LYPD6: variants seen among roughly 807,000 people sequenced by gnomAD.
LYPD6 encodes the protein ly6/PLAUR domain-containing protein 6.
In LYPD6, 15 loss-of-function variants were observed where a neutral mutation model predicts 22.7. That is an observed-to-expected ratio of 0.66 (90% CI 0.44 to 1.02). The LOEUF is 1.02. Among genes scored for constraint, LYPD6 ranks in the 50% least tolerant of loss-of-function variants. LYPD6 has a pLI of 0.00. For synonymous variants in LYPD6, 72 were observed against 77.5 expected (o/e 0.93, Z 0.37); for missense variants, 189 against 208.4 (o/e 0.91, Z 0.57).
chr2:149,456,549 T>G (rs564067974), intron 3 of LYPD6, among the ~76,000 whole-genome samples: 3 of 152,258 alleles, frequency 2.0e-5, no homozygotes, highest in East Asian at 1.9e-4. Context: ...TTGGAAATAG[T>G]TTTTAGAGAG....
intron 1 of LYPD6, among the ~76,000 whole-genome samples, chr2:149,410,638 C>T (rs1169835109): frequency 6.6e-6 from 1 of 152,100 alleles, no homozygotes; most frequent in African/African-American, 2.4e-5. Context: ...TGCAGATTGT[C>T]TAAAGTCGTT....
the LYPD6 span, among the ~76,000 whole-genome samples, chr2:149,486,116 C>T: frequency 1.3e-5 from 2 of 152,180 alleles, no homozygotes; most frequent in African/African-American, 4.8e-5. Flanking sequence ...GTCTCTATTC[C>T]ATTCTGTTCC....
intron 1 of LYPD6, among the ~76,000 whole-genome samples, chr2:149,383,612 C>T (rs1682116982): frequency 1.3e-5 from 2 of 152,252 alleles, no homozygotes; most frequent in Non-Finnish European, 1.5e-5. Flanking sequence ...CTTACTGAGT[C>T]ATTATGGGTC....
chr2:149,363,573 G>T (rs899513031), intron 1 of LYPD6, among the ~76,000 whole-genome samples: 1 of 152,184 alleles, frequency 6.6e-6, no homozygotes, highest in Admixed American at 6.5e-5. Flanking sequence ...GGAAGAGCTA[G>T]ATTTGAATAT....
chr2:149,452,674 C>T (rs1287160575), intron 3 of LYPD6, among the ~76,000 whole-genome samples: 1 of 152,222 alleles, frequency 6.6e-6, no homozygotes. Context: ...AATAAGTGCA[C>T]ACCCCAAATT....
intron 3 of LYPD6, 137 bp downstream of exon 3, chr2:149,449,284 T>A: frequency 1.7e-6 from 1 of 573,528 alleles, no homozygotes; most frequent in Non-Finnish European, 3.1e-6. Context: ...AGATCTTTTG[T>A]ACCACACCAA....
intron 1 of LYPD6, among the ~76,000 whole-genome samples, chr2:149,343,637 G>T (rs1315350670): frequency 1.3e-5 from 2 of 152,198 alleles, no homozygotes; most frequent in African/African-American, 2.4e-5. Flanking sequence ...ACTGAGATGG[G>T]GAAATAGAGG....
intron 1 of LYPD6, among the ~76,000 whole-genome samples, chr2:149,350,637 C>T (rs887760075): frequency 6.6e-6 from 1 of 152,174 alleles, no homozygotes; most frequent in Non-Finnish European, 1.5e-5. Context: ...CTTTCCAATA[C>T]GTGGGTAGAT....
intron 1 of LYPD6, among the ~76,000 whole-genome samples, chr2:149,339,525 G>C (rs907496841): frequency 6.6e-6 from 1 of 152,184 alleles, no homozygotes; most frequent in Non-Finnish European, 1.5e-5. Context: ...GCTGTAACTT[G>C]TTACTATGAC....
intron 3 of LYPD6, among the ~76,000 whole-genome samples, chr2:149,457,221 G>A (rs1432114374): frequency 1.3e-5 from 2 of 152,156 alleles, no homozygotes; most frequent in African/African-American, 4.8e-5. Flanking sequence ...TAGAAGTGTA[G>A]TATTATTTCT....
intron 3 of LYPD6, among the ~76,000 whole-genome samples, chr2:149,458,182 T>G (rs1681008444): frequency 6.6e-6 from 1 of 152,130 alleles, no homozygotes; most frequent in African/African-American, 2.4e-5. Context: ...CTTGGGATTG[T>G]GTCAGAGAAG....
chr2:149,332,889 A>G (rs888873358), intron 1 of LYPD6, among the ~76,000 whole-genome samples: 2 of 152,212 alleles, frequency 1.3e-5, no homozygotes, highest in Admixed American at 6.5e-5. Flanking sequence ...GAGATACGTT[A>G]TTTTTGCTAA....
intron 3 of LYPD6, among the ~76,000 whole-genome samples, chr2:149,468,132 A>ACACACACACACAC (rs1681243964): frequency 2.6e-5 from 3 of 114,664 alleles, no homozygotes; most frequent in Admixed American, 8.5e-5. Context: ...GCTTCCCCCC[A>ACACACACACACAC]ACACACACAC....
At position 149,474,013 on chromosome 2, in the gene LYPD6, A is replaced by G. The variant is rs879941185; in HGVS notation, c.*3163A>G. 1.4e-4 allele frequency: 22 copies of G among 152,240 alleles called. No homozygotes were observed. The highest frequency in any genetic ancestry group is 5.9e-4 in the Admixed American group (9 of 15,282). 9.4% of individuals were successfully genotyped at this position (152,240 alleles called of 1,614,324 possible). ...GGGGTTGTGTTAATGATGATGAACCAGAAAAGATTTTCTCTTGATGGTTTC... is the reference window on the plus strand; with the variant it reads ...GGGGTTGTGTTAATGATGATGAACCGGAAAAGATTTTCTCTTGATGGTTTC... On this transcript the variant is annotated 3_prime_UTR_variant, in exon 5 of 5. Coordinates refer to ENST00000334166, the MANE Select transcript of LYPD6 (RefSeq NM_194317.5).
At chr2:149,429,391 G>T (rs941786723) in intron 1 of LYPD6, among the ~76,000 whole-genome samples, 1 of 152,192 alleles carries the variant, frequency 6.6e-6, no homozygotes, top group Non-Finnish European at 1.5e-5. Context: ...TGAAAACAAG[G>T]TTAAAAGTCC....
At chr2:149,452,396 A>C (rs754560366) in intron 3 of LYPD6, among the ~76,000 whole-genome samples, 5 of 152,230 alleles carry the variant, frequency 3.3e-5, no homozygotes, top group Non-Finnish European at 7.3e-5. Flanking sequence ...AAATAATGCC[A>C]TTTTATTAAT....
At chr2:149,420,405 C>T (rs972554747) in intron 1 of LYPD6, among the ~76,000 whole-genome samples, 3 of 152,158 alleles carry the variant, frequency 2.0e-5, no homozygotes, top group African/African-American at 7.2e-5. Flanking sequence ...ATGTGACCGT[C>T]CCGCTGGCTA....
intron 1 of LYPD6, among the ~76,000 whole-genome samples, chr2:149,416,209 C>T (rs1168313530): frequency 6.6e-6 from 1 of 152,186 alleles, no homozygotes; most frequent in East Asian, 1.9e-4. Context: ...TACTCATCTT[C>T]TCCTTCCTGA....
In LYPD6 at chr2:149,359,409, G is replaced by A. The variant is rs1320838566; in HGVS notation, c.-72+28687G>A. Among the ~76,000 whole-genome samples the A allele has an allele frequency of 4.6e-5, 7 of 152,312 alleles. No individual in the cohort carries two copies. In the East Asian group the frequency reaches 1.4e-3, roughly 29 times the overall value. ...TTTAGTTGAAATTTAGGAGCCACTGGATTTTCTGTTAGTGGCTAATGTCAA... is the reference window on the plus strand; with the variant it reads ...TTTAGTTGAAATTTAGGAGCCACTGAATTTTCTGTTAGTGGCTAATGTCAA... On this transcript the variant is annotated intron_variant, in intron 1 of 4. Transcript: ENST00000334166.
Sources: gnomAD v4.1 joint callset for allele counts (sites outside exome capture counted in the v4.1 genomes callset) on GRCh38, gnomAD v4.1.1 for gene constraint, MANE v1.5 for transcripts, NCBI Gene and HGNC (gene_info 2026-07-23, HGNC 2026-07-21) for gene names.